The following SORCS1 variants were observed in gnomAD, a reference collection of about 807,000 sequenced individuals.
The protein encoded by SORCS1 is sortilin related VPS10 domain containing receptor 1, also known as VPS10 domain-containing receptor SorCS1.
In SORCS1, 60 loss-of-function variants were observed where a neutral mutation model predicts 146.1. That is an observed-to-expected ratio of 0.41 (90% CI 0.33 to 0.51). SORCS1 has a LOEUF of 0.51. Ranked by LOEUF, SORCS1 falls within the 20% of genes least tolerant of loss-of-function variation. The probability of loss-of-function intolerance (pLI) is 0.21; values close to 1 mark genes in which losing one functional copy is unlikely to be tolerated. For synonymous variants in SORCS1, 637 were observed against 584.0 expected, an observed-to-expected ratio of 1.09 and a Z score of -1.31; for missense variants, 1,352 against 1,487.6, an observed-to-expected ratio of 0.91 and a Z score of 1.50.
At chr10:107,058,070 C>G (rs1305678090) in intron 1 of SORCS1, among the ~76,000 whole-genome samples, 1 of 152,082 alleles carries the variant, frequency 6.6e-6, no homozygotes, top group Non-Finnish European at 1.5e-5. Flanking sequence ...GAGACGGAGT[C>G]TTGCTCTGTC....
At chr10:106,673,034 G>T in intron 14 of SORCS1, 49 bp from the exon 15 acceptor site, 5 of 1,434,380 alleles carry the variant, frequency 3.5e-6, no homozygotes, top group Non-Finnish European at 4.9e-6. Context: ...ACAATGTAAT[G>T]AGTAATAACA....
intron 1 of SORCS1, among the ~76,000 whole-genome samples, chr10:106,983,217 T>TATATACATATTTCTATATATAAATATAC (rs1564886451): frequency 3.4e-5 from 5 of 147,408 alleles, no homozygotes; most frequent in East Asian, 3.9e-4. Context: ...TATATAAATA[T>TATATACATATTTCTATATATAAATATAC]ATATACATAT....
At chr10:106,666,489 T>C (rs1851151945) in intron 17 of SORCS1, among the ~76,000 whole-genome samples, 1 of 152,058 alleles carries the variant, frequency 6.6e-6, no homozygotes, top group Non-Finnish European at 1.5e-5. Flanking sequence ...TGACTTACCC[T>C]GCAGATCTTG....
intron 2 of SORCS1, among the ~76,000 whole-genome samples, chr10:106,837,505 A>T (rs539079330): frequency 1.3e-5 from 2 of 151,164 alleles, no homozygotes; most frequent in Admixed American, 6.6e-5. Flanking sequence ...CTTGACACTC[A>T]CTTTCAGTTT....
At chr10:106,898,897 A>G (rs1951590776) in intron 2 of SORCS1, among the ~76,000 whole-genome samples, 1 of 152,184 alleles carries the variant, frequency 6.6e-6, no homozygotes, top group African/African-American at 2.4e-5. Context: ...GCTCCTAAGT[A>G]AAGGAACTCA....
intron 14 of SORCS1, among the ~76,000 whole-genome samples, chr10:106,674,598 G>A (rs1851887323): frequency 6.6e-6 from 1 of 152,096 alleles, no homozygotes; most frequent in Admixed American, 6.5e-5. Flanking sequence ...AAAAATGAGT[G>A]TAAATGCAAT....
At chr10:106,679,880 T>A in intron 10 of SORCS1, 146 bp from the exon 11 acceptor site, 1 of 610,616 alleles carries the variant, frequency 1.6e-6, no homozygotes, top group Non-Finnish European at 2.9e-6. Context: ...TATCTATACC[T>A]ACCCAACATC....
chr10:106,983,179 CAT>C (rs1454889108), intron 1 of SORCS1, among the ~76,000 whole-genome samples: 1 of 141,632 alleles, frequency 7.1e-6, no homozygotes, highest in African/African-American at 2.8e-5. Flanking sequence ...TATAAATATA[CAT>C]ATTTCTCTAT....
chr10:107,081,262 G>A (rs766783145), intron 1 of SORCS1, among the ~76,000 whole-genome samples: 3 of 152,118 alleles, frequency 2.0e-5, no homozygotes, highest in East Asian at 1.9e-4. Flanking sequence ...CCTGAAATAC[G>A]TCTCAGGTTA....
intron 24 of SORCS1, among the ~76,000 whole-genome samples, chr10:106,595,256 T>C (rs546035338): frequency 8.9e-4 from 135 of 152,334 alleles, no homozygotes; most frequent in African/African-American, 3.1e-3. Flanking sequence ...CTCTGTCCCC[T>C]ATGTTGACAA....
intron 1 of SORCS1, among the ~76,000 whole-genome samples, chr10:106,962,680 A>G (rs1041018330): frequency 6.6e-6 from 1 of 152,114 alleles, no homozygotes; most frequent in African/African-American, 2.4e-5. Flanking sequence ...ATTTCTCTCA[A>G]CCACTAGTGA....
intron 19 of SORCS1, among the ~76,000 whole-genome samples, chr10:106,626,535 C>T (rs569394636): frequency 1.3e-5 from 2 of 152,274 alleles, no homozygotes; most frequent in African/African-American, 4.8e-5. Flanking sequence ...CACCCTCCAT[C>T]TTTAAGATGC....
intron 2 of SORCS1, among the ~76,000 whole-genome samples, chr10:106,886,872 T>C (rs1030592701): frequency 1.3e-5 from 2 of 152,214 alleles, no homozygotes; most frequent in Admixed American, 1.3e-4. Flanking sequence ...GTAGTTGTCT[T>C]CAGCAACCAG....
chr10:106,828,537 T>C (rs1948397271), intron 3 of SORCS1, among the ~76,000 whole-genome samples: 1 of 152,192 alleles, frequency 6.6e-6, no homozygotes, highest in Non-Finnish European at 1.5e-5. Context: ...TCACTAACAG[T>C]AGCTAATGAA....
At chr10:106,699,095 G>A in intron 9 of SORCS1, 119 bp downstream of exon 9, 1 of 834,236 alleles carries the variant, frequency 1.2e-6, no homozygotes, top group Non-Finnish European at 1.8e-6. Context: ...CATCTCCCAA[G>A]AGAAATGAGG....
chr10:106,688,700 T>C (rs1193232481), intron 9 of SORCS1, among the ~76,000 whole-genome samples: 3 of 152,172 alleles, frequency 2.0e-5, no homozygotes, highest in African/African-American at 7.2e-5. Flanking sequence ...TATTGTATGC[T>C]AGTGTAGCAC....
At chr10:106,773,041 A>G (rs1860146520) in intron 4 of SORCS1, among the ~76,000 whole-genome samples, 1 of 152,180 alleles carries the variant, frequency 6.6e-6, no homozygotes, top group African/African-American at 2.4e-5. Flanking sequence ...ATAAAGAAAA[A>G]GAGAAAAGAG....
At chr10:107,161,804 C>T (rs1969726746) in intron 1 of SORCS1, among the ~76,000 whole-genome samples, 1 of 152,104 alleles carries the variant, frequency 6.6e-6, no homozygotes, top group Non-Finnish European at 1.5e-5. Flanking sequence ...TAGATAAAGA[C>T]TATTTCTCTT....
chr10:107,164,313 G>T lies in SORCS1; in HGVS notation c.214C>A (p.Leu72Ile). The T allele has an allele frequency of 6.4e-7, 1 of 1,569,710 alleles. No individual in the cohort carries two copies. The highest frequency in any genetic ancestry group is 1.1e-5 in the South Asian group (1 of 87,588). The change falls in exon 1 of 26, where the codon CTC becomes ATC. Residue 72 changes from leucine (L) to isoleucine (I), a missense_variant. Physicochemically the swap from Leu to Ile is conservative, Grantham distance 5 (BLOSUM62 2). Around this residue, in one of 3 missense-constraint regions of SORCS1, gnomAD observed 490 missense variants for 489.1 expected, o/e 1.00. Transcript: ENST00000263054. The surrounding 1 kb of genome is among the most constrained non-coding windows in gnomAD (Gnocchi z 6.8). ...PGRAPATPLP[L>I]VVRPLFSVAP... is the part of the protein sequence containing the mutation. ...ACTGAGAACAGGGGACGCACTACGA[G>T]GGGCAGGGGCGTGGCAGGAGCCCTG...
Sources: gnomAD v4.1 joint callset for allele counts (sites outside exome capture counted in the v4.1 genomes callset) on GRCh38, gnomAD v4.1.1 for gene constraint, gnomAD v4.1.1 regional missense constraint, Gnocchi (gnomAD v3.1) non-coding constraint, MANE v1.5 for transcripts, NCBI Gene and HGNC (gene_info 2026-07-23, HGNC 2026-07-21) for gene names.